The following SEMA3A variants were observed in gnomAD, a reference collection of about 807,000 sequenced individuals.
The protein encoded by SEMA3A is semaphorin-3A.
A neutral mutation model predicts 97.9 loss-of-function variants in SEMA3A; 29 were observed. The observed-to-expected ratio is 0.30, with a 90% confidence interval of 0.22 to 0.40. The LOEUF (loss-of-function observed/expected upper bound fraction) is 0.40, where lower values mean the gene tolerates loss of function less well. Among genes scored for constraint, SEMA3A ranks in the 10% least tolerant of loss-of-function variants. The pLI is 1.00. For synonymous variants in SEMA3A, 321 were observed against 323.7 expected (o/e 0.99, Z 0.09); for missense variants, 763 against 951.3 (o/e 0.80, Z 2.60).
rs568469359 is a variant in SEMA3A at position 83,965,805 on chromosome 7, C to T, written c.1718-2458G>A. ...ATGCCATTCTCCTGCCTCAGCCTCC[C>T]AAGTAGCTGGGACTACAGGTGCCTG... is the stretch of plus-strand genomic sequence containing the variant. On this transcript the variant is annotated intron_variant, in intron 15 of 16. Coordinates refer to ENST00000265362, the MANE Select transcript of SEMA3A (RefSeq NM_006080.3). 7.6e-3 allele frequency among the ~76,000 whole-genome samples: 1,114 copies of T among 146,344 alleles called. 18 individuals carry two copies. The highest frequency in any genetic ancestry group is 0.027 in the African/African-American group (1,057 of 39,664).
intron 1 of SEMA3A, among the ~76,000 whole-genome samples, chr7:84,147,781 T>C (rs890188399): frequency 6.6e-6 from 1 of 152,244 alleles, no homozygotes; most frequent in Non-Finnish European, 1.5e-5. Context: ...CTTTACTCTC[T>C]TCATTCTTTA....
intron 1 of SEMA3A, among the ~76,000 whole-genome samples, chr7:84,434,524 C>G (rs765059947): frequency 1.3e-5 from 2 of 152,074 alleles, no homozygotes; most frequent in African/African-American, 4.8e-5. Flanking sequence ...AAGCCAGAAC[C>G]ACCCTGATAC....
chr7:83,998,580 T>TTAAAG (rs1383865251), intron 12 of SEMA3A, among the ~76,000 whole-genome samples: 2 of 152,142 alleles, frequency 1.3e-5, no homozygotes, highest in Non-Finnish European at 2.9e-5. Flanking sequence ...CTAATTTTTT[T>TTAAAG]TAAAGTATTT....
intron 1 of SEMA3A, among the ~76,000 whole-genome samples, chr7:84,169,832 G>T (rs567949904): frequency 6.6e-6 from 1 of 151,846 alleles, no homozygotes; most frequent in Non-Finnish European, 1.5e-5. Flanking sequence ...TGTTACAAAT[G>T]ACCATAACTG....
intron 2 of SEMA3A, among the ~76,000 whole-genome samples, chr7:84,338,324 A>G (rs1002945782): frequency 3.3e-5 from 5 of 152,078 alleles, no homozygotes; most frequent in African/African-American, 4.8e-5. Context: ...GTGTGCTTCC[A>G]TATCATTTTA....
chr7:84,037,219 A>C (rs1282075365), intron 6 of SEMA3A, among the ~76,000 whole-genome samples: 2 of 151,810 alleles, frequency 1.3e-5, no homozygotes, highest in Non-Finnish European at 2.9e-5. Flanking sequence ...ATATGTAATA[A>C]TTCCAATTAA....
chr7:84,269,208 C>T (rs1204036659), intron 3 of SEMA3A, among the ~76,000 whole-genome samples: 1 of 152,076 alleles, frequency 6.6e-6, no homozygotes, highest in African/African-American at 2.4e-5. Context: ...AACTGGAGCA[C>T]TCTGTTCCTT....
intron 2 of SEMA3A, among the ~76,000 whole-genome samples, chr7:84,321,773 G>A (rs1465054094): frequency 2.0e-5 from 3 of 150,526 alleles, no homozygotes; most frequent in African/African-American, 7.3e-5. Flanking sequence ...CTACTTGATA[G>A]GCTGAGGCAG....
chr7:84,491,497 GTTTA>G (rs1261351500), intron 1 of SEMA3A, among the ~76,000 whole-genome samples: 1 of 152,082 alleles, frequency 6.6e-6, no homozygotes, highest in African/African-American at 2.4e-5. Flanking sequence ...TGTTCTATGT[GTTTA>G]TTTCTTACAT....
In SEMA3A at chr7:83,961,829, A is replaced by G. The variant is rs1280736573; in HGVS notation, c.1861-3T>C. ...ATGATATGATCATCCACTCTGATCT[A>G]GCAGGTTAAAAAAAAGGCAGTGTAA... On this transcript the variant is annotated splice_polypyrimidine_tract_variant and splice_region_variant and intron_variant, in intron 16 of 16. Transcript: ENST00000265362. The G allele has an allele frequency of 1.2e-6, 2 of 1,608,002 alleles. No individual in the cohort carries two copies. Among genetic ancestry groups the G allele is most frequent in the African/African-American group, 1.3e-5 (1 of 74,728 alleles).
chr7:84,273,715 A>G (rs1287043558), intron 3 of SEMA3A, among the ~76,000 whole-genome samples: 1 of 152,132 alleles, frequency 6.6e-6, no homozygotes, highest in Non-Finnish European at 1.5e-5. Flanking sequence ...ATATATATAC[A>G]TGCAATGTAA....
At chr7:84,440,702 G>C (rs1410645263) in intron 1 of SEMA3A, among the ~76,000 whole-genome samples, 1 of 152,142 alleles carries the variant, frequency 6.6e-6, no homozygotes, top group Non-Finnish European at 1.5e-5. Context: ...CCTCAGCACA[G>C]AGACAGCTTA....
intron 3 of SEMA3A, among the ~76,000 whole-genome samples, chr7:84,303,365 A>G (rs1801071752): frequency 6.6e-6 from 1 of 152,156 alleles, no homozygotes. Context: ...TTTTTTAAAA[A>G]AAATGTCTAG....
At chr7:84,369,015 TA>T (rs1404144884) in intron 2 of SEMA3A, among the ~76,000 whole-genome samples, 4 of 151,084 alleles carry the variant, frequency 2.6e-5, no homozygotes, top group Admixed American at 6.6e-5. Context: ...ATCACAATGT[TA>T]ATTCATCTCA....
rs565897465 is a variant in SEMA3A, at chr7:84,029,394, C to A, written c.668-15043G>T. Among the ~76,000 whole-genome samples, 5 of 152,238 alleles carry A rather than the reference C, an allele frequency of 3.3e-5. No homozygotes were observed. In the South Asian group the frequency reaches 1.0e-3, roughly 32 times the overall value. On this transcript the variant is annotated intron_variant, in intron 6 of 16. Transcript: ENST00000265362. ...TATCTTGTTATTTACAAGTTCACTA[C>A]AAATAATGATTTAGAGATTTGTATT...
chr7:84,003,127 G>A (rs1293568460), intron 11 of SEMA3A, among the ~76,000 whole-genome samples: 1 of 152,010 alleles, frequency 6.6e-6, no homozygotes, highest in Non-Finnish European at 1.5e-5. Context: ...ATAATTCATC[G>A]ATAACTGTTT....
chr7:84,119,846 T>A (rs1001407706), intron 3 of SEMA3A, among the ~76,000 whole-genome samples: 11 of 152,136 alleles, frequency 7.2e-5, no homozygotes, highest in Non-Finnish European at 1.6e-4. Flanking sequence ...GGTCAAATCA[T>A]GATAATAAAC....
At chr7:84,434,294 A>T (rs926765594) in intron 1 of SEMA3A, among the ~76,000 whole-genome samples, 40 of 150,550 alleles carry the variant, frequency 2.7e-4, no homozygotes, top group African/African-American at 9.3e-4. Flanking sequence ...ACACACACGA[A>T]CTCCTAAGAG....
chr7:84,227,259 AAT>A (rs1164241939), intron 3 of SEMA3A, among the ~76,000 whole-genome samples: 4 of 151,962 alleles, frequency 2.6e-5, no homozygotes, highest in Non-Finnish European at 5.9e-5. Context: ...GTAATTGACT[AAT>A]GTAGGAAGTC....
Sources: allele counts gnomAD v4.1 joint callset (sites outside exome capture counted in the v4.1 genomes callset), GRCh38; gene constraint gnomAD v4.1.1; transcripts MANE v1.5; gene names NCBI Gene and HGNC (gene_info 2026-07-23, HGNC 2026-07-21).